Variants in UBR4 observed in about 807,000 individuals in gnomAD.
UBR4 encodes the protein ubiquitin protein ligase E3 component n-recognin 4.
A neutral mutation model predicts 575.6 loss-of-function variants in UBR4; 124 were observed. The observed-to-expected ratio is 0.22, with a 90% CI of 0.19 to 0.25. The LOEUF (loss-of-function observed/expected upper bound fraction) is 0.25, where lower values mean the gene tolerates loss of function less well. Among genes scored for constraint, UBR4 ranks in the 10% least tolerant of loss-of-function variants. The pLI, the probability that UBR4 is intolerant of heterozygous loss-of-function variation, is 1.00. For synonymous variants in UBR4, 2,455 were observed against 2,473.7 expected, an observed-to-expected ratio of 0.99 and a Z score of 0.22; for missense variants, 4,818 against 6,478.8, an observed-to-expected ratio of 0.74 and a Z score of 8.80.
At chr1:19,138,668 C>G (rs187760206) in intron 59 of UBR4, among the ~76,000 whole-genome samples, 1 of 150,176 alleles carries the variant, frequency 6.7e-6, no homozygotes, top group Non-Finnish European at 1.5e-5. Context: ...ACAATAAGAT[C>G]GCTTAAAAAA....
Position 19,081,385 on chromosome 1 carries a change from G to C in UBR4, c.15197C>G (p.Ser5066Trp). The C allele has an allele frequency of 6.2e-7, 1 of 1,611,350 alleles. No homozygotes were observed. ...ACCTGGAGCCACTGCCCGAGCCTGC[G>C]AGGTCACCAACAGCCTCCGCAAGAT... ...VEILRRLLVT[S>W]QARAVAPGGA... The change falls in exon 103 of 106, where the codon TCG becomes TGG. Residue 5066 changes from serine (S) to tryptophan (W), a missense_variant. Ser to Trp is a radical substitution (Grantham distance 177). This residue lies in a region of UBR4 where 212 missense variants were observed against 221.3 expected (regional missense o/e 0.96). Transcript: ENST00000375254.
At chr1:19,122,674 A>T (rs1363615395) in intron 66 of UBR4, among the ~76,000 whole-genome samples, 159 bp downstream of exon 66, 1 of 152,196 alleles carries the variant, frequency 6.6e-6, no homozygotes, top group African/African-American at 2.4e-5. Context: ...ATGGTACAGC[A>T]CCCAGACAGG....
chr1:19,083,648 C>T (rs1323232783), intron 102 of UBR4, among the ~76,000 whole-genome samples: 2 of 152,224 alleles, frequency 1.3e-5, no homozygotes, highest in African/African-American at 2.4e-5. Flanking sequence ...CATCCTCTCA[C>T]CTCAGTCTCC....
rs2080408682 is a variant in UBR4 at position 19,115,390 on chromosome 1, T to C, written c.11063+8A>G. 1.2e-6 allele frequency: 2 copies of C among 1,613,646 alleles called. No homozygotes were observed. The highest frequency in any genetic ancestry group is 1.7e-6 in the Non-Finnish European group (2 of 1,179,720). On this transcript the variant is annotated splice_region_variant and intron_variant, in intron 74 of 105. Coordinates refer to ENST00000375254, the MANE Select transcript of UBR4 (RefSeq NM_020765.3). ...CAGCCCTGGCCTAGGGGATGACCAATGACTTACCTGCATTTGTGACACTGG... is the reference window on the plus strand; with the variant it reads ...CAGCCCTGGCCTAGGGGATGACCAACGACTTACCTGCATTTGTGACACTGG...
At chr1:19,178,759 C>A (rs1338219772) in intron 18 of UBR4, among the ~76,000 whole-genome samples, 5 of 152,214 alleles carry the variant, frequency 3.3e-5, no homozygotes, top group Non-Finnish European at 7.3e-5. Flanking sequence ...GGCTTCCCTG[C>A]TTGTCTTTCA....
At chr1:19,097,806 G>C (rs1202294500) in intron 90 of UBR4, among the ~76,000 whole-genome samples, 1 of 152,186 alleles carries the variant, frequency 6.6e-6, no homozygotes, top group African/African-American at 2.4e-5. Context: ...CAGGAAAAGA[G>C]AGTACATCAA....
Position 19,153,301 on chromosome 1 carries a change from T to C in UBR4, c.6832A>G (p.Thr2278Ala). The C allele has an allele frequency of 6.2e-7, 1 of 1,614,164 alleles. No individual in the cohort carries two copies. The highest frequency in any genetic ancestry group is 8.5e-7 in the Non-Finnish European group (1 of 1,180,012). The change falls in exon 46 of 106, where the codon ACA (threonine) becomes GCA (alanine). Residue 2278 changes from threonine (T) to alanine (A), a missense_variant and splice_region_variant. Thr to Ala is a moderately conservative substitution (Grantham distance 58). This residue lies in a region of UBR4 where 461 missense variants were observed against 606.9 expected (regional missense o/e 0.76). Coordinates refer to ENST00000375254, the MANE Select transcript of UBR4 (RefSeq NM_020765.3). This position sits in a 1 kb window ranked among gnomAD's most constrained non-coding sequence, Gnocchi z 4.1. The part of the protein sequence containing the change: ...PVRKRKTATI[T>A]TRTSSQVTFP... ...CAAGTCATCTGAGAAGGAGCCTTAC[T>C]GATTGTAGCTGTTTTGCGCTTTCGA...
intron 18 of UBR4, 57 bp from the exon 19 acceptor site, chr1:19,177,800 T>C: frequency 1.3e-6 from 2 of 1,565,922 alleles, no homozygotes; most frequent in Non-Finnish European, 1.7e-6. Context: ...CCCCAGGAGT[T>C]ATAATGTCAA....
In UBR4 at chr1:19,122,806, T is replaced by G; in HGVS notation, c.9816+27A>C. 1.9e-6 allele frequency: 3 copies of G among 1,613,412 alleles called. No homozygotes were observed. In the South Asian group the frequency reaches 3.3e-5, roughly 18 times the overall value. ...TAAGCCTTATCACATCCCCCCTCCC[T>G]GCCCTACCAGGTCCCAGCCCTCGTA... On this transcript the variant is annotated intron_variant, in intron 66 of 105. Coordinates refer to ENST00000375254, the MANE Select transcript of UBR4 (RefSeq NM_020765.3).
chr1:19,106,368 A>T (rs2079196582), intron 83 of UBR4, among the ~76,000 whole-genome samples: 2 of 152,214 alleles, frequency 1.3e-5, no homozygotes, highest in African/African-American at 4.8e-5. Flanking sequence ...AAGCAGAGGA[A>T]GTTCTGTTTC....
chr1:19,175,766 G>C (rs1181368845), intron 20 of UBR4, among the ~76,000 whole-genome samples: 1 of 152,084 alleles, frequency 6.6e-6, no homozygotes, highest in East Asian at 1.9e-4. Flanking sequence ...CGAGGATTCT[G>C]ATTTCTTGTG....
At chr1:19,180,572 TG>T (rs2090837257) in intron 17 of UBR4, among the ~76,000 whole-genome samples, 1 of 148,384 alleles carries the variant, frequency 6.7e-6, no homozygotes, top group South Asian at 2.1e-4. Context: ...CTGAGCTACA[TG>T]AAAAATACTA....
intron 12 of UBR4, 64 bp downstream of exon 12, chr1:19,187,377 C>T: frequency 6.2e-7 from 1 of 1,610,776 alleles, no homozygotes; most frequent in Non-Finnish European, 8.5e-7. Flanking sequence ...ATGGATCAAG[C>T]TTGCTTGGCC....
intron 8 of UBR4, 49 bp downstream of exon 8, chr1:19,197,092 A>G (rs1380927216): frequency 1.9e-6 from 3 of 1,598,650 alleles, no homozygotes; most frequent in East Asian, 4.5e-5. Context: ...TCCTGAAAGT[A>G]TATCTCTGCT....
chr1:19,150,188 A>G lies in UBR4; in HGVS notation c.7430+389T>C, dbSNP rs140498720. On this transcript the variant is annotated intron_variant, in intron 49 of 105. Transcript: ENST00000375254. ...TATTATCACAGAAGTAGCTACGCAG[A>G]GAAAGATGATGAAAAGATGATGAGC... 1.6e-4 allele frequency among the ~76,000 whole-genome samples: 24 copies of G among 152,288 alleles called. No homozygotes were observed. The East Asian group carries it at 3.3e-3, about 21-fold the overall frequency.
chr1:19,086,574 A>G, intron 100 of UBR4, 105 bp downstream of exon 100: 1 of 1,478,326 alleles, frequency 6.8e-7, no homozygotes, highest in Admixed American at 2.0e-5. Context: ...CCTACTCTCC[A>G]GAGACTAAGG....
rs200898521 is a variant in UBR4, at chr1:19,076,694, G to T, written c.15487+46C>A. 7.1e-5 allele frequency: 115 copies of T among 1,613,422 alleles called. No individual in the cohort carries two copies. In the East Asian group the frequency reaches 2.5e-3, roughly 35 times the overall value. On this transcript the variant is annotated intron_variant, in intron 105 of 105. Coordinates refer to ENST00000375254, the MANE Select transcript of UBR4 (RefSeq NM_020765.3). ...GGATGACCCACGGAGGAAGACATGGGGCTTTGCTGCGGAGGATCTTTAAAA... is the reference window on the plus strand; with the variant it reads ...GGATGACCCACGGAGGAAGACATGGTGCTTTGCTGCGGAGGATCTTTAAAA...
intron 70 of UBR4, among the ~76,000 whole-genome samples, chr1:19,119,283 G>A (rs1188303952): frequency 6.6e-6 from 1 of 152,156 alleles, no homozygotes; most frequent in Non-Finnish European, 1.5e-5. Context: ...GCAAAACAAG[G>A]AGCACTTGCT....
rs139242294 is a variant in UBR4 at position 19,119,803 on chromosome 1, G to C, written c.10311-102C>G. The stretch of plus-strand genomic sequence containing the variant: ...TACCTCAATTTCCCCACAATTATGG[G>C]TTAAGTTTGAACGGTTTTGTTTCAC... On this transcript the variant is annotated intron_variant, in intron 69 of 105. Transcript: ENST00000375254. 23 of 1,447,792 alleles carry C rather than the reference G, an allele frequency of 1.6e-5. No homozygotes were observed. The East Asian group carries it at 5.3e-4, about 33-fold the overall frequency. 89.7% of individuals were successfully genotyped at this position (1,447,792 alleles called of 1,614,324 possible).
Sources: allele counts gnomAD v4.1 joint callset (sites outside exome capture counted in the v4.1 genomes callset), GRCh38; gene constraint gnomAD v4.1.1; regional missense constraint gnomAD v4.1.1; non-coding constraint Gnocchi (gnomAD v3.1); transcripts MANE v1.5; gene names NCBI Gene and HGNC (gene_info 2026-07-23, HGNC 2026-07-21).